Variants in RIMS2 observed in about 807,000 individuals in gnomAD.
The protein encoded by RIMS2 is regulating synaptic membrane exocytosis 2.
Under a neutral mutation model 174.4 loss-of-function variants are expected in RIMS2, and 59 were observed. That is an observed-to-expected ratio of 0.34 (90% confidence interval 0.27 to 0.42). The LOEUF is 0.42. Among genes scored for constraint, RIMS2 ranks in the 10% least tolerant of loss-of-function variants. The pLI, the probability that RIMS2 is intolerant of heterozygous loss-of-function variation, is 1.00. For synonymous variants in RIMS2, 606 were observed against 572.5 expected (o/e 1.06, Z -0.84); for missense variants, 1,620 against 1,666.3 (o/e 0.97, Z 0.48).
intron 1 of RIMS2, among the ~76,000 whole-genome samples, chr8:103,622,653 G>C (rs1369077820): frequency 6.6e-6 from 1 of 152,130 alleles, no homozygotes; most frequent in African/African-American, 2.4e-5. Flanking sequence ...AAAGGGATTT[G>C]CAATTAGCAC....
At chr8:103,711,707 G>A (rs1394359541) in intron 2 of RIMS2, among the ~76,000 whole-genome samples, 1 of 151,974 alleles carries the variant, frequency 6.6e-6, no homozygotes, top group Non-Finnish European at 1.5e-5. Flanking sequence ...ATCAGGCTGG[G>A]CAACATGGTG....
intron 2 of RIMS2, among the ~76,000 whole-genome samples, chr8:103,715,719 A>G (rs1023468978): frequency 6.6e-6 from 1 of 152,150 alleles, no homozygotes; most frequent in Admixed American, 6.6e-5. Flanking sequence ...GTGACCCCAA[A>G]TTACCAGTGG....
intron 1 of RIMS2, among the ~76,000 whole-genome samples, chr8:103,626,679 T>A (rs1342975578): frequency 6.6e-6 from 1 of 152,158 alleles, no homozygotes; most frequent in Non-Finnish European, 1.5e-5. Flanking sequence ...TCCCTAAATG[T>A]CAGCTGGTCT....
chr8:103,535,847 G>A (rs1187998537), intron 1 of RIMS2, among the ~76,000 whole-genome samples: 1 of 152,216 alleles, frequency 6.6e-6, no homozygotes, highest in African/African-American at 2.4e-5. Context: ...TAGGCATGGT[G>A]TGAGGTGCTT....
At chr8:103,643,180 C>T (rs2096263979) in intron 1 of RIMS2, among the ~76,000 whole-genome samples, 1 of 151,864 alleles carries the variant, frequency 6.6e-6, no homozygotes, top group South Asian at 2.1e-4. Flanking sequence ...TTGGCCAAGT[C>T]TACTGCTCTG....
chr8:104,068,621 T>G lies in RIMS2; in HGVS notation c.3334+54006T>G, dbSNP rs1469385291. On this transcript the variant is annotated intron_variant, in intron 19 of 23. Transcript: ENST00000504942. Reference sequence around the variant, plus strand: ...AAGATTACCATTCGAAGGCAAGACATTTTTCTTTTTAAAAGTTGTAAAATA... The same window carrying G: ...AAGATTACCATTCGAAGGCAAGACAGTTTTCTTTTTAAAAGTTGTAAAATA... 1 of 1,404,782 alleles carries G rather than the reference T, an allele frequency of 7.1e-7. No homozygotes were observed. The highest frequency in any genetic ancestry group is 2.4e-5 in the East Asian group (1 of 41,506). 87.0% of individuals were successfully genotyped at this position (1,404,782 alleles called of 1,614,324 possible). A position where few individuals can be genotyped will look rare whatever the true frequency, so the allele number is the denominator to read the frequency against.
intron 19 of RIMS2, among the ~76,000 whole-genome samples, chr8:104,201,050 G>T (rs2099052186): frequency 6.6e-6 from 1 of 152,140 alleles, no homozygotes; most frequent in Non-Finnish European, 1.5e-5. Flanking sequence ...CATCACTGGG[G>T]TTTGGTGTAC....
intron 19 of RIMS2, among the ~76,000 whole-genome samples, chr8:104,186,058 A>G (rs1191229591): frequency 6.6e-6 from 1 of 151,732 alleles, no homozygotes. Context: ...TTCAGCCATA[A>G]AAAAAGAATG....
chr8:104,133,488 T>C (rs565840194), intron 19 of RIMS2, among the ~76,000 whole-genome samples: 1 of 152,314 alleles, frequency 6.6e-6, no homozygotes, highest in Admixed American at 6.5e-5. Context: ...GATAAGGGAA[T>C]TCCTTCTGAT....
At chr8:104,186,266 TA>T (rs1182863235) in intron 19 of RIMS2, among the ~76,000 whole-genome samples, 2 of 151,658 alleles carry the variant, frequency 1.3e-5, no homozygotes, top group African/African-American at 4.8e-5. Flanking sequence ...AGAAATTACC[TA>T]ATGGGTACAA....
At chr8:103,799,782 A>C (rs2098593262) in intron 3 of RIMS2, among the ~76,000 whole-genome samples, 1 of 152,190 alleles carries the variant, frequency 6.6e-6, no homozygotes, top group African/African-American at 2.4e-5. Context: ...TCAATTTGAA[A>C]AAATTAGCTC....
chr8:103,957,439 G>T (rs1057193258), intron 14 of RIMS2, among the ~76,000 whole-genome samples: 1 of 152,300 alleles, frequency 6.6e-6, no homozygotes, highest in Non-Finnish European at 1.5e-5. Context: ...TAAAAAGGAT[G>T]AGTTCATGTC....
At chr8:103,919,829 C>G (rs998523513) in intron 9 of RIMS2, among the ~76,000 whole-genome samples, 1 of 151,746 alleles carries the variant, frequency 6.6e-6, no homozygotes, top group African/African-American at 2.4e-5. Flanking sequence ...TGATTTTATC[C>G]AAAGTAATAT....
intron 2 of RIMS2, among the ~76,000 whole-genome samples, chr8:103,709,528 A>G (rs995107390): frequency 4.6e-5 from 7 of 152,156 alleles, no homozygotes; most frequent in Admixed American, 1.3e-4. Context: ...TGTTAGGTAT[A>G]TTTGGAGCAA....
intron 1 of RIMS2, among the ~76,000 whole-genome samples, chr8:103,662,599 G>A (rs1019624917): frequency 1.3e-5 from 2 of 152,022 alleles, no homozygotes; most frequent in African/African-American, 4.8e-5. Flanking sequence ...TTTCAGAATT[G>A]AGTTGATACT....
At chr8:103,858,732 TACACACACACAC>T (rs71881969) in intron 3 of RIMS2, among the ~76,000 whole-genome samples, 1 of 145,324 alleles carries the variant, frequency 6.9e-6, no homozygotes, top group Admixed American at 7.0e-5. Flanking sequence ...TACATACCTA[TACACACACACAC>T]ACACACACAC....
chr8:104,251,220 A>G, intron 23 of RIMS2, 57 bp downstream of exon 29: 1 of 1,340,948 alleles, frequency 7.5e-7, no homozygotes, highest in Non-Finnish European at 1.0e-6. Context: ...GGGGTCAGAC[A>G]TTATACCCCA....
intron 3 of RIMS2, among the ~76,000 whole-genome samples, chr8:103,833,371 T>G (rs1331408522): frequency 6.6e-6 from 1 of 152,162 alleles, no homozygotes; most frequent in South Asian, 2.1e-4. Context: ...TTGCTTGGGT[T>G]GGCTGTGCTT....
chr8:104,091,947 A>T (rs2097667103), intron 19 of RIMS2, among the ~76,000 whole-genome samples: 1 of 151,736 alleles, frequency 6.6e-6, no homozygotes, highest in African/African-American at 2.4e-5. Context: ...TTGAGAGTTT[A>T]TCTAACAAGA....
Sources: gnomAD v4.1 joint callset for allele counts (sites outside exome capture counted in the v4.1 genomes callset) on GRCh38, gnomAD v4.1.1 for gene constraint, MANE v1.5 for transcripts, NCBI Gene and HGNC (gene_info 2026-07-23, HGNC 2026-07-21) for gene names.